Variants in PPFIA2 observed in about 807,000 individuals in gnomAD.
PPFIA2 encodes PPFI scaffold protein A2, also known as liprin-alpha-2.
A neutral mutation model predicts 175.5 loss-of-function variants in PPFIA2; 46 were observed. The ratio of observed to expected loss-of-function variants is 0.26; its 90% CI spans 0.21 to 0.34. The LOEUF (loss-of-function observed/expected upper bound fraction) is 0.34, where lower values mean the gene tolerates loss of function less well. Among genes scored for constraint, PPFIA2 ranks in the 10% least tolerant of loss-of-function variants. The pLI, the probability that PPFIA2 is intolerant of heterozygous loss-of-function variation, is 1.00. For synonymous variants in PPFIA2, 568 were observed against 511.4 expected (o/e 1.11, Z -1.49); for missense variants, 1,179 against 1,506.1 (o/e 0.78, Z 3.60).
At chr12:81,741,462 A>T (rs982975621) in intron 3 of PPFIA2, among the ~76,000 whole-genome samples, 12 of 152,154 alleles carry the variant, frequency 7.9e-5, no homozygotes, top group African/African-American at 2.9e-4. Context: ...ACTCCAGCTA[A>T]ATGCTAGATA....
chr12:81,651,610 T>A (rs1175840817), intron 4 of PPFIA2, among the ~76,000 whole-genome samples: 1 of 152,138 alleles, frequency 6.6e-6, no homozygotes, highest in African/African-American at 2.4e-5. Context: ...TATGACTGAA[T>A]GCTACAAGAG....
chr12:81,351,166 C>T (rs1306896592), intron 17 of PPFIA2, among the ~76,000 whole-genome samples: 5 of 152,028 alleles, frequency 3.3e-5, no homozygotes, highest in Non-Finnish European at 7.4e-5. Context: ...GTAATGAAAA[C>T]CATCTATTAT....
chr12:81,700,029 G>A (rs1429608586), intron 3 of PPFIA2, among the ~76,000 whole-genome samples: 1 of 151,906 alleles, frequency 6.6e-6, no homozygotes, highest in Non-Finnish European at 1.5e-5. Context: ...CATCTTTCAT[G>A]AAAATATTGG....
intron 4 of PPFIA2, among the ~76,000 whole-genome samples, chr12:81,588,991 G>C (rs1048510021): frequency 2.6e-5 from 4 of 152,020 alleles, no homozygotes; most frequent in African/African-American, 9.7e-5. Flanking sequence ...CTAAACCTGA[G>C]AATCATAAAA....
intron 3 of PPFIA2, among the ~76,000 whole-genome samples, chr12:81,725,969 C>G (rs2080021122): frequency 6.6e-6 from 1 of 150,882 alleles, no homozygotes; most frequent in Non-Finnish European, 1.5e-5. Context: ...TCTTAGGAAA[C>G]TATTTCACCT....
intron 31 of PPFIA2, among the ~76,000 whole-genome samples, chr12:81,262,509 C>T (rs1431562641): frequency 6.6e-6 from 1 of 152,162 alleles, no homozygotes; most frequent in Non-Finnish European, 1.5e-5. Flanking sequence ...GTTATAATAA[C>T]TGTGACCTTG....
intron 22 of PPFIA2, among the ~76,000 whole-genome samples, chr12:81,304,326 A>G (rs1432044635): frequency 1.3e-5 from 2 of 152,168 alleles, no homozygotes; most frequent in African/African-American, 4.8e-5. Context: ...ATTTGTATAG[A>G]CCTACTATAT....
chr12:81,495,991 G>A (rs2147224760), intron 4 of PPFIA2, among the ~76,000 whole-genome samples: 1 of 152,268 alleles, frequency 6.6e-6, no homozygotes, highest in South Asian at 2.1e-4. Context: ...ATAGTATAAT[G>A]ACAAAGATAA....
chr12:81,308,080 T>G (rs1264921458), intron 22 of PPFIA2, among the ~76,000 whole-genome samples: 1 of 152,206 alleles, frequency 6.6e-6, no homozygotes, highest in African/African-American at 2.4e-5. Flanking sequence ...CACTTAAAAT[T>G]TAAAATGTAA....
intron 7 of PPFIA2, among the ~76,000 whole-genome samples, chr12:81,432,737 G>A (rs1435135213): frequency 3.3e-5 from 5 of 152,086 alleles, no homozygotes; most frequent in East Asian, 1.9e-4. Flanking sequence ...GATTACAGGC[G>A]TGAGCCACTA....
intron 11 of PPFIA2, among the ~76,000 whole-genome samples, chr12:81,369,980 A>G (rs981010565): frequency 2.0e-5 from 3 of 151,862 alleles, no homozygotes; most frequent in Non-Finnish European, 4.4e-5. Flanking sequence ...ATGAAAGACT[A>G]CTACAGAATG....
intron 5 of PPFIA2, among the ~76,000 whole-genome samples, chr12:81,447,738 G>A (rs1235567958): frequency 1.3e-5 from 2 of 152,136 alleles, no homozygotes; most frequent in Admixed American, 1.3e-4. Context: ...ATCCTCTCTG[G>A]ATTTGGGTGT....
At chr12:81,528,768 C>T (rs1383366744) in intron 4 of PPFIA2, among the ~76,000 whole-genome samples, 1 of 151,922 alleles carries the variant, frequency 6.6e-6, no homozygotes. Context: ...TAAAGCCAAG[C>T]TTTATTTTTC....
Position 81,682,737 on chromosome 12 carries a change from C to T in PPFIA2, c.250-5893G>A, listed in dbSNP as rs147847200. On this transcript the variant is annotated intron_variant, in intron 3 of 32. Coordinates refer to ENST00000549396, the MANE Select transcript of PPFIA2 (RefSeq NM_003625.5). ...CTTTATAGAAAAATTTCTCAAAATT[C>T]CCCTCTCCCACTACTTTCTGTTGAC... Among the ~76,000 whole-genome samples, 467 of 151,944 alleles carry T rather than the reference C, an allele frequency of 3.1e-3. 1 individual carries two copies. Among genetic ancestry groups the T allele is most frequent in the Middle Eastern group, 6.8e-3 (2 of 294 alleles).
rs568545726 is a variant in PPFIA2, at chr12:81,316,991, A to G, written c.2642+8786T>C. On this transcript the variant is annotated intron_variant, in intron 22 of 32. Transcript: ENST00000549396. ...TATTTCTTGATGCATAAAAGAAAAT[A>G]GCAGTTTTTACATTAAAGGCTTTGT... is the stretch of plus-strand genomic sequence containing the variant. 4.2e-4 allele frequency among the ~76,000 whole-genome samples: 64 copies of G among 151,838 alleles called. No individual in the cohort carries two copies. In the South Asian group the frequency reaches 0.013, roughly 30 times the overall value.
chr12:81,749,020 A>T, intron 3 of PPFIA2, among the ~76,000 whole-genome samples: 1 of 144,410 alleles, frequency 6.9e-6, no homozygotes, highest in Admixed American at 7.3e-5. Flanking sequence ...TAAACAAACA[A>T]GATTCCCCAA....
chr12:81,350,247 C>T (rs61934721), intron 17 of PPFIA2, among the ~76,000 whole-genome samples: 2 of 152,052 alleles, frequency 1.3e-5, no homozygotes, highest in African/African-American at 4.8e-5. Context: ...AGTGTTATTC[C>T]GTTATTCCGT....
intron 4 of PPFIA2, among the ~76,000 whole-genome samples, chr12:81,664,120 C>G (rs1323313950): frequency 7.9e-5 from 12 of 152,052 alleles, no homozygotes; most frequent in Non-Finnish European, 1.6e-4. Flanking sequence ...ATTCAGGACA[C>G]AGGCATGGGC....
At chr12:81,457,710 G>T in intron 5 of PPFIA2, 55 bp downstream of exon 5, 1 of 1,027,870 alleles carries the variant, frequency 9.7e-7, no homozygotes, top group Non-Finnish European at 1.5e-6. Context: ...TGTGTTACAT[G>T]TAATGCATTG....
Sources: gnomAD v4.1 joint callset for allele counts (sites outside exome capture counted in the v4.1 genomes callset) on GRCh38, gnomAD v4.1.1 for gene constraint, MANE v1.5 for transcripts, NCBI Gene and HGNC (gene_info 2026-07-23, HGNC 2026-07-21) for gene names.